Variants in ROR2 observed in about 807,000 individuals in gnomAD.
ROR2 encodes ROR family WNT receptor 2.
A neutral mutation model predicts 74.9 loss-of-function variants in ROR2; 33 were observed. The ratio of observed to expected loss-of-function variants is 0.44; its 90% confidence interval spans 0.33 to 0.59. The LOEUF is 0.59. Among genes scored for constraint, ROR2 ranks in the 20% least tolerant of loss-of-function variants. The pLI, the probability that ROR2 is intolerant of heterozygous loss-of-function variation, is 0.02. For synonymous variants in ROR2, 586 were observed against 558.7 expected (o/e 1.05, Z -0.69); for missense variants, 1,216 against 1,313.8 (o/e 0.93, Z 1.15).
At chr9:91,860,347 G>T (rs947280431) in intron 1 of ROR2, among the ~76,000 whole-genome samples, 3 of 152,180 alleles carry the variant, frequency 2.0e-5, no homozygotes, top group Admixed American at 6.5e-5. Flanking sequence ...ATGAGAAACA[G>T]GGGAGTTTCC....
chr9:91,812,882 A>G (rs766630859), intron 1 of ROR2, among the ~76,000 whole-genome samples: 3 of 152,334 alleles, frequency 2.0e-5, no homozygotes, highest in Non-Finnish European at 4.4e-5. Flanking sequence ...TGAAAGCCAT[A>G]GCATTAGGCT....
chr9:91,896,949 G>A (rs971298184), intron 1 of ROR2, among the ~76,000 whole-genome samples: 3 of 152,204 alleles, frequency 2.0e-5, no homozygotes, highest in Non-Finnish European at 4.4e-5. Flanking sequence ...CTCTCCCTAA[G>A]TCCTCTCTGC....
chr9:91,778,310 A>C (rs796239615), intron 1 of ROR2, among the ~76,000 whole-genome samples: 6 of 152,364 alleles, frequency 3.9e-5, no homozygotes, highest in African/African-American at 1.2e-4. Context: ...ACTTTGTGAC[A>C]ACCTCACAAC....
At chr9:91,782,623 A>T (rs1424969987) in intron 1 of ROR2, among the ~76,000 whole-genome samples, 1 of 128,446 alleles carries the variant, frequency 7.8e-6, no homozygotes, top group East Asian at 2.0e-4. Flanking sequence ...TAATGTTTTA[A>T]GAAAGAAGTT....
At chr9:91,740,359 T>C (rs550107842) in intron 4 of ROR2, among the ~76,000 whole-genome samples, 49 of 151,956 alleles carry the variant, frequency 3.2e-4, no homozygotes, top group Admixed American at 9.2e-4. Context: ...CCATCCTGGC[T>C]AACACGGTGA....
intron 1 of ROR2, among the ~76,000 whole-genome samples, chr9:91,924,607 C>A (rs1222574824): frequency 6.6e-6 from 1 of 152,122 alleles, no homozygotes; most frequent in Non-Finnish European, 1.5e-5. Context: ...TCCTGGCTAA[C>A]ACGGTGAAAC....
In ROR2 at chr9:91,928,131, G is replaced by A. The variant is rs539116673; in HGVS notation, c.97+21736C>T. Among the ~76,000 whole-genome samples, 191 of 152,020 alleles carry A rather than the reference G, an allele frequency of 1.3e-3. 2 individuals are homozygous for A. The South Asian group carries it at 0.037, about 30-fold the overall frequency. The stretch of plus-strand genomic sequence containing the variant: ...ACCACCTTCTGCATTACATTCACAC[G>A]CCAAGCCAACTTCTTGGCCCTATGT... On this transcript the variant is annotated intron_variant, in intron 1 of 8. Coordinates refer to ENST00000375708, the MANE Select transcript of ROR2 (RefSeq NM_004560.4).
intron 1 of ROR2, among the ~76,000 whole-genome samples, chr9:91,870,406 A>G (rs1305717392): frequency 1.3e-5 from 2 of 152,232 alleles, no homozygotes; most frequent in African/African-American, 4.8e-5. Flanking sequence ...CTGGGCAAGG[A>G]TAGCCAGACC....
At chr9:91,892,535 T>C (rs1281122775) in intron 1 of ROR2, among the ~76,000 whole-genome samples, 3 of 152,074 alleles carry the variant, frequency 2.0e-5, no homozygotes, top group Non-Finnish European at 4.4e-5. Flanking sequence ...GTGTTGGATT[T>C]TTTTTTTTTA....
chr9:91,776,983 G>A (rs1233469219), intron 1 of ROR2, among the ~76,000 whole-genome samples: 2 of 152,160 alleles, frequency 1.3e-5, no homozygotes, highest in Non-Finnish European at 2.9e-5. Context: ...TTCAGAAATG[G>A]AGGCATTTTC....
At chr9:91,816,371 C>T (rs187267312) in intron 1 of ROR2, among the ~76,000 whole-genome samples, 2 of 152,316 alleles carry the variant, frequency 1.3e-5, no homozygotes, top group East Asian at 3.9e-4. Context: ...CTTCACCAAC[C>T]CCAGCCGAGG....
At chr9:91,927,191 G>A (rs1831427439) in intron 1 of ROR2, among the ~76,000 whole-genome samples, 1 of 152,128 alleles carries the variant, frequency 6.6e-6, no homozygotes, top group South Asian at 2.1e-4. Flanking sequence ...ACTGCGTCCT[G>A]GACACAGCTG....
At chr9:91,743,407 A>G (rs1405364144) in intron 4 of ROR2, among the ~76,000 whole-genome samples, 1 of 152,106 alleles carries the variant, frequency 6.6e-6, no homozygotes, top group African/African-American at 2.4e-5. Flanking sequence ...CGCCATCTCT[A>G]CTAAAAATAC....
At chr9:91,835,929 G>A (rs1587766808) in intron 1 of ROR2, among the ~76,000 whole-genome samples, 1 of 152,172 alleles carries the variant, frequency 6.6e-6, no homozygotes, top group African/African-American at 2.4e-5. Context: ...CTAGGACAAC[G>A]CTTTTGTGAT....
chr9:91,876,761 A>C (rs1224302584), intron 1 of ROR2, among the ~76,000 whole-genome samples: 1 of 152,224 alleles, frequency 6.6e-6, no homozygotes. Flanking sequence ...TCCAACATTA[A>C]AAGGAAAATT....
chr9:91,892,590 C>CTTTTTTTTTTTTTTTTT (rs547073635), intron 1 of ROR2, among the ~76,000 whole-genome samples: 7 of 105,460 alleles, frequency 6.6e-5, no homozygotes, highest in Admixed American at 2.2e-4. Context: ...CTTTTCTTTT[C>CTTTTTTTTTTTTTTTTT]TTTTTTTTTT....
chr9:91,837,226 C>A (rs1376290033), intron 1 of ROR2, among the ~76,000 whole-genome samples: 1 of 152,158 alleles, frequency 6.6e-6, no homozygotes, highest in Non-Finnish European at 1.5e-5. Flanking sequence ...ATCTCAGCCA[C>A]CACGCCCAGC....
chr9:91,734,000 G>A lies in ROR2; in HGVS notation c.623-564C>T, dbSNP rs904935947. ...AGAGCAGCAAAGTGGGAGGAGAGCC[G>A]CGTTACAACTCTGGAAGGTTCTGTG... On this transcript the variant is annotated intron_variant, in intron 5 of 8. Transcript: ENST00000375708. This position sits in a 1 kb window ranked among gnomAD's most constrained non-coding sequence, Gnocchi z 5.7. Among the ~76,000 whole-genome samples the A allele has an allele frequency of 9.9e-5, 15 of 152,180 alleles. No homozygotes were observed. The highest frequency in any genetic ancestry group is 2.2e-4 in the African/African-American group (9 of 41,436).
chr9:91,839,692 T>G (rs1021987317), intron 1 of ROR2, among the ~76,000 whole-genome samples: 10 of 150,600 alleles, frequency 6.6e-5, no homozygotes, highest in African/African-American at 2.0e-4. Flanking sequence ...TGGGTGTGTG[T>G]GTGTTGTATG....
Sources: gnomAD v4.1 joint callset for allele counts (sites outside exome capture counted in the v4.1 genomes callset) on GRCh38, gnomAD v4.1.1 for gene constraint, Gnocchi (gnomAD v3.1) non-coding constraint, MANE v1.5 for transcripts, NCBI Gene and HGNC (gene_info 2026-07-23, HGNC 2026-07-21) for gene names.